The following DYRK3 variants were observed in gnomAD, a reference collection of about 807,000 sequenced individuals.
The protein encoded by DYRK3 is dual specificity tyrosine phosphorylation regulated kinase 3, also known as dual specificity tyrosine-phosphorylation-regulated kinase 3.
In DYRK3, 30 loss-of-function variants were observed where a neutral mutation model predicts 40.8. That is an observed-to-expected ratio of 0.74 (90% CI 0.55 to 1.00). DYRK3 has a LOEUF of 1.00. Ranked by LOEUF, DYRK3 falls within the 50% of genes least tolerant of loss-of-function variation. The pLI, the probability that DYRK3 is intolerant of heterozygous loss-of-function variation, is 0.00. For missense variants in DYRK3, 699 were observed against 731.5 expected, an observed-to-expected ratio of 0.96 and a Z score of 0.51; for synonymous variants, 272 against 260.7, an observed-to-expected ratio of 1.04 and a Z score of -0.42.
chr1:206,648,558 G>A lies in DYRK3; in HGVS notation c.1360G>A (p.Val454Met). 6.2e-7 allele frequency: 1 copy of A among 1,614,156 alleles called. No homozygotes were observed. The highest frequency in any genetic ancestry group is 8.5e-7 in the Non-Finnish European group (1 of 1,180,022). ...NSKGIPRYCS[V>M]TTQADGRVVL... is the part of the protein sequence containing the mutation. ...CAAGGGCATACCCCGCTACTGCTCT[G>A]TGACTACCCAGGCAGATGGGAGGGT... Residue 454 changes from valine (V) to methionine (M), a missense_variant, in exon 3 of 3, where the codon GTG becomes ATG. Val to Met is a conservative substitution (Grantham distance 21). Transcript: ENST00000367109.
chr1:206,648,661 A>G lies in DYRK3; in HGVS notation c.1463A>G (p.Lys488Arg). ...PGSKDWGTAL[K>R]GCDDYLFIEF... The stretch of plus-strand genomic sequence containing the variant: ...AGCAAAGACTGGGGGACAGCACTGA[A>G]AGGGTGTGATGACTACTTGTTTATA... The change falls in exon 3 of 3, where the codon AAA becomes AGA. Residue 488 changes from lysine to arginine, a missense_variant. Physicochemically the swap from Lys to Arg is conservative, Grantham distance 26. Transcript: ENST00000367109. 6.2e-7 allele frequency: 1 copy of G among 1,613,970 alleles called. No individual in the cohort carries two copies. The highest frequency in any genetic ancestry group is 8.5e-7 in the Non-Finnish European group (1 of 1,179,936).
At chr1:206,644,784 C>T (rs552998049) in intron 2 of DYRK3, among the ~76,000 whole-genome samples, 62 of 152,328 alleles carry the variant, frequency 4.1e-4, no homozygotes, top group African/African-American at 1.4e-3. Flanking sequence ...AGGTGATCCA[C>T]CCGCCTCGGC....
chr1:206,648,844 A>T lies in DYRK3; in HGVS notation c.1646A>T (p.Gln549Leu). ...GTAGTTAATCCTGCAAGTGCTTTCCAGGGATTGGGTTCTAAGCTGCCTCCA... is the reference window on the plus strand; with the variant it reads ...GTAGTTAATCCTGCAAGTGCTTTCCTGGGATTGGGTTCTAAGCTGCCTCCA... ...KRVVNPASAFQGLGSKLPPVV... is the reference protein window; with the variant it reads ...KRVVNPASAFLGLGSKLPPVV... Residue 549 changes from glutamine to leucine, a missense_variant, in exon 3 of 3, where the codon CAG becomes CTG. Coordinates refer to ENST00000367109, the MANE Select transcript of DYRK3 (RefSeq NM_003582.4). 4 of 1,614,212 alleles carry T rather than the reference A, an allele frequency of 2.5e-6. No homozygotes were observed. Among genetic ancestry groups the T allele is most frequent in the Non-Finnish European group, 3.4e-6 (4 of 1,180,026 alleles).
intron 2 of DYRK3, among the ~76,000 whole-genome samples, chr1:206,644,690 C>T (rs1347980377): frequency 6.6e-6 from 1 of 152,146 alleles, no homozygotes; most frequent in East Asian, 1.9e-4. Flanking sequence ...CAGGTGCGCG[C>T]CACTACGCCT....
At chr1:206,637,316 T>C (rs1671144700) in intron 1 of DYRK3, among the ~76,000 whole-genome samples, 1 of 152,248 alleles carries the variant, frequency 6.6e-6, no homozygotes, top group Non-Finnish European at 1.5e-5. Flanking sequence ...GTCTGTTTTT[T>C]TCTCTGTGAG....
Position 206,654,041 on chromosome 1 carries a change from T to G in DYRK3, c.*5076T>G, listed in dbSNP as rs528734636. Among the ~76,000 whole-genome samples the G allele has an allele frequency of 2.0e-5, 3 of 152,388 alleles. No individual in the cohort carries two copies. Among genetic ancestry groups the G allele is most frequent in the South Asian group, 2.1e-4 (1 of 4,830 alleles). Reference sequence around the variant, plus strand: ...CTTTCTGTTTTGCTTAATTCGTAACTAGGCATAATTAAAGTTAAATGCTAA... The same window carrying G: ...CTTTCTGTTTTGCTTAATTCGTAACGAGGCATAATTAAAGTTAAATGCTAA... On this transcript the variant is annotated 3_prime_UTR_variant, in exon 3 of 3. Coordinates refer to ENST00000367109, the MANE Select transcript of DYRK3 (RefSeq NM_003582.4).
chr1:206,641,922 A>G (rs191724030), intron 2 of DYRK3, among the ~76,000 whole-genome samples: 22 of 150,884 alleles, frequency 1.5e-4, no homozygotes, highest in Middle Eastern at 3.4e-3. Context: ...GCCAAAATTG[A>G]TAAATGGGAT....
Position 206,635,720 on chromosome 1 carries a change from G to T in DYRK3, c.17G>T (p.Arg6Leu). The change falls in exon 1 of 3, where the codon CGT becomes CTT. Residue 6 changes from arginine to leucine, a missense_variant. By Grantham distance (102) the Arg-to-Leu change is moderately radical. Transcript: ENST00000367109. ...AGCTAGGAGATGGGAGGCACAGCTC[G>T]TGGGCCTGGGCGGAAGGATGCGGGG... MGGTA[R>L]GPGRKDAGPP... 1 of 1,247,402 alleles carries T rather than the reference G, an allele frequency of 8.0e-7. No individual in the cohort carries two copies. The allele number at this position is 1,247,402 out of a possible 1,614,324, so 77.3% of individuals were successfully genotyped here. A position where few individuals can be genotyped will look rare whatever the true frequency, so the allele number is the denominator to read the frequency against.
At chr1:206,637,623 G>A (rs1553418564) in intron 1 of DYRK3, 27 bp from the exon 2 acceptor site, 1 of 1,522,176 alleles carries the variant, frequency 6.6e-7, no homozygotes, top group South Asian at 1.1e-5. Context: ...GTTCCTGACA[G>A]ATTTTGTCTG....
intron 2 of DYRK3, 46 bp downstream of exon 2, chr1:206,637,807 G>A: frequency 1.3e-6 from 2 of 1,482,606 alleles, no homozygotes; most frequent in Non-Finnish European, 1.9e-6. Context: ...TTTTGGAAAG[G>A]AGGAAGTGCT....
chr1:206,636,365 C>G (rs1408851795), intron 1 of DYRK3: 1 of 169,002 alleles, frequency 5.9e-6, no homozygotes, highest in Non-Finnish European at 1.3e-5. Context: ...TTAATTTCCT[C>G]TGGCTGTTAG....
intron 2 of DYRK3, among the ~76,000 whole-genome samples, chr1:206,639,609 C>T (rs1169919324): frequency 6.6e-6 from 1 of 151,688 alleles, no homozygotes; most frequent in Non-Finnish European, 1.5e-5. Flanking sequence ...TTATAGGCAC[C>T]AACCAACATG....
At chr1:206,640,579 C>G (rs1671260362) in intron 2 of DYRK3, among the ~76,000 whole-genome samples, 1 of 133,422 alleles carries the variant, frequency 7.5e-6, no homozygotes, top group Non-Finnish European at 1.6e-5. Context: ...AAGACAGAGT[C>G]TCGCTCTGTC....
chr1:206,638,444 T>G (rs558949555), intron 2 of DYRK3, among the ~76,000 whole-genome samples: 2 of 151,904 alleles, frequency 1.3e-5, no homozygotes, highest in South Asian at 4.2e-4. Flanking sequence ...GCCTGGCTAA[T>G]TTTTGTATTT....
chr1:206,647,621 G>A lies in DYRK3; in HGVS notation c.423G>A (p.Leu141=). 1 of 1,614,128 alleles carries A rather than the reference G, an allele frequency of 6.2e-7. No homozygotes were observed. The highest frequency in any genetic ancestry group is 8.5e-7 in the Non-Finnish European group (1 of 1,180,022). ...SSSKAPKVVP[L]TPEQALKQYK... ...CCAAGGCACCCAAAGTGGTGCCTCT[G>A]ACTCCAGAACAAGCCCTGAAGCAAT... Residue 141 remains leucine (L), a synonymous_variant, in exon 3 of 3, where the codon CTG becomes CTA. Transcript: ENST00000367109.
rs1409174346 is a variant in DYRK3 at position 206,651,039 on chromosome 1, C to A, written c.*2074C>A. Among the ~76,000 whole-genome samples the A allele has an allele frequency of 6.6e-6, 1 of 152,176 alleles. No individual in the cohort carries two copies. Among genetic ancestry groups the A allele is most frequent in the African/African-American group, 2.4e-5 (1 of 41,442 alleles). Reference sequence around the variant, plus strand: ...CTCTAACTCCTGCTGAATTTTCTTTCTTTTTTTCTAAGTCTGCATCCTATC... The same window carrying A: ...CTCTAACTCCTGCTGAATTTTCTTTATTTTTTTCTAAGTCTGCATCCTATC... On this transcript the variant is annotated 3_prime_UTR_variant, in exon 3 of 3. Transcript: ENST00000367109.
Position 206,652,450 on chromosome 1 carries a change from G to T in DYRK3, c.*3485G>T, listed in dbSNP as rs1671656508. 6.6e-6 allele frequency among the ~76,000 whole-genome samples: 1 copy of T among 152,146 alleles called. No homozygotes were observed. The highest frequency in any genetic ancestry group is 6.5e-5 in the Admixed American group (1 of 15,282). On this transcript the variant is annotated 3_prime_UTR_variant, in exon 3 of 3. Coordinates refer to ENST00000367109, the MANE Select transcript of DYRK3 (RefSeq NM_003582.4). ...TTCTGTGTATCGAATGGACTACAAG[G>T]TTACTGAAACTGGGCTAAGGGAAAG...
In DYRK3 at chr1:206,648,600, C is replaced by T. The variant is rs782350176; in HGVS notation, c.1402C>T (p.Arg468Cys). 49 of 1,613,822 alleles carry T rather than the reference C, an allele frequency of 3.0e-5. No individual in the cohort carries two copies. The highest frequency in any genetic ancestry group is 3.3e-4 in the Middle Eastern group (2 of 6,084). Residue 468 changes from arginine to cysteine, a missense_variant, in exon 3 of 3, where the codon CGC (arginine) becomes TGC (cysteine). Physicochemically the swap from Arg to Cys is radical, Grantham distance 180. Coordinates refer to ENST00000367109, the MANE Select transcript of DYRK3 (RefSeq NM_003582.4). ...TGGGAGGGTTGTGCTTGTGGGGGGT[C>T]GCTCACGTAGGGGTAAAAAGCGGGG... ...ADGRVVLVGG[R>C]SRRGKKRGPP...
At chr1:206,644,946 AT>A (rs1387111880) in intron 2 of DYRK3, among the ~76,000 whole-genome samples, 1 of 152,184 alleles carries the variant, frequency 6.6e-6, no homozygotes, top group Non-Finnish European at 1.5e-5. Context: ...TGGCCCCTTT[AT>A]TTTAAAACTA....
Sources: allele counts gnomAD v4.1 joint callset (sites outside exome capture counted in the v4.1 genomes callset), GRCh38; gene constraint gnomAD v4.1.1; transcripts MANE v1.5; gene names NCBI Gene and HGNC (gene_info 2026-07-23, HGNC 2026-07-21).